GASK1A: variants seen among roughly 807,000 people sequenced by gnomAD.
GASK1A encodes the protein Golgi-associated kinase 1A.
A neutral mutation model predicts 41.2 loss-of-function variants in GASK1A; 40 were observed. That is an observed-to-expected ratio of 0.97 (90% CI 0.75 to 1.27). GASK1A has a LOEUF of 1.27. GASK1A is among the 50% of genes most tolerant of loss of function. The probability of loss-of-function intolerance (pLI) is 0.00; values close to 1 mark genes in which losing one functional copy is unlikely to be tolerated. For synonymous variants in GASK1A, 316 were observed against 307.1 expected (o/e 1.03, Z -0.30); for missense variants, 678 against 745.1 (o/e 0.91, Z 1.05).
chr3:42,981,854 C>T (rs1212112014), intron 1 of GASK1A, among the ~76,000 whole-genome samples: 1 of 152,142 alleles, frequency 6.6e-6, no homozygotes, highest in Non-Finnish European at 1.5e-5. Context: ...CATGCTATAT[C>T]TCTTTGAGGG....
chr3:43,034,206 G>A (rs767603613), intron 2 of GASK1A, among the ~76,000 whole-genome samples: 4 of 152,322 alleles, frequency 2.6e-5, no homozygotes, highest in African/African-American at 9.6e-5. Flanking sequence ...TGGAGATAGC[G>A]ATGGAGAGAA....
intron 1 of GASK1A, among the ~76,000 whole-genome samples, chr3:43,009,481 G>T (rs2125679170): frequency 6.6e-6 from 1 of 152,350 alleles, no homozygotes; most frequent in South Asian, 2.1e-4. Flanking sequence ...CCCAGGGCCA[G>T]AACTGGCTCC....
chr3:43,004,987 C>T (rs1395721264), intron 1 of GASK1A, among the ~76,000 whole-genome samples: 1 of 152,170 alleles, frequency 6.6e-6, no homozygotes, highest in African/African-American at 2.4e-5. Flanking sequence ...CCTTTAGAGG[C>T]CACCTGCATT....
intron 2 of GASK1A, among the ~76,000 whole-genome samples, chr3:43,040,902 G>GTGTGATGTTCCCCTTCC (rs2089633814): frequency 7.4e-6 from 1 of 134,884 alleles, no homozygotes; most frequent in Admixed American, 8.5e-5. Context: ...AGTCCGCAGA[G>GTGTGATGTTCCCCTTCC]TGTGATGTTC....
At chr3:43,009,511 G>A (rs547521330) in intron 1 of GASK1A, among the ~76,000 whole-genome samples, 1 of 152,314 alleles carries the variant, frequency 6.6e-6, no homozygotes, top group East Asian at 1.9e-4. Context: ...GGAAGGGCTT[G>A]GTCTCTGCAG....
At chr3:43,044,393 T>G (rs779623728) in intron 2 of GASK1A, among the ~76,000 whole-genome samples, 1 of 152,084 alleles carries the variant, frequency 6.6e-6, no homozygotes, top group South Asian at 2.1e-4. Flanking sequence ...GAGTGGGGGG[T>G]GAGGACAGTG....
At chr3:42,986,871 C>T (rs930047264) in intron 1 of GASK1A, among the ~76,000 whole-genome samples, 1 of 152,278 alleles carries the variant, frequency 6.6e-6, no homozygotes, top group African/African-American at 2.4e-5. Flanking sequence ...AGGAGAACCT[C>T]CAGCCCTTGG....
At chr3:42,989,208 TA>T (rs1391463279) in intron 1 of GASK1A, among the ~76,000 whole-genome samples, 3 of 151,654 alleles carry the variant, frequency 2.0e-5, no homozygotes, top group Non-Finnish European at 2.9e-5. Flanking sequence ...GAAACGTCGA[TA>T]GGGGGAGAGG....
intron 2 of GASK1A, among the ~76,000 whole-genome samples, chr3:43,038,258 A>G (rs186605780): frequency 1.6e-3 from 250 of 152,308 alleles, no homozygotes; most frequent in African/African-American, 5.8e-3. Flanking sequence ...CATGGTTCGT[A>G]ATTTTTGAAG....
At position 43,053,586 on chromosome 3, in the gene GASK1A, A is replaced by G; in HGVS notation, c.1356A>G (p.Glu452=). 1 of 1,551,720 alleles carries G rather than the reference A, an allele frequency of 6.4e-7. No homozygotes were observed. Among genetic ancestry groups the G allele is most frequent in the Non-Finnish European group, 8.7e-7 (1 of 1,146,996 alleles). ...CTGAGCCCTCAGACCCCTGTGTGGAAGAGAGGCTCCGAGAGAAATGCCAGA... is the reference window on the plus strand; with the variant it reads ...CTGAGCCCTCAGACCCCTGTGTGGAGGAGAGGCTCCGAGAGAAATGCCAGA... ...FEPEPSDPCV[E]ERLREKCQNP... The change falls in exon 3 of 5, where the codon GAA becomes GAG. Residue 452 remains glutamate, a synonymous_variant. Coordinates refer to ENST00000430121, the MANE Select transcript of GASK1A (RefSeq NM_001129908.3).
chr3:43,037,510 G>C, intron 2 of GASK1A: 1 of 467,156 alleles, frequency 2.1e-6, no homozygotes, highest in Non-Finnish European at 3.9e-6. Flanking sequence ...GGAATATCTG[G>C]AGAGAAAGAA....
chr3:43,030,017 A>G (rs2089566663), intron 1 of GASK1A, among the ~76,000 whole-genome samples: 1 of 152,060 alleles, frequency 6.6e-6, no homozygotes, highest in Non-Finnish European at 1.5e-5. Context: ...TTTTTTTGAG[A>G]TGGAGTTTTG....
At chr3:43,041,943 G>C (rs1320621160) in intron 2 of GASK1A, among the ~76,000 whole-genome samples, 1 of 152,194 alleles carries the variant, frequency 6.6e-6, no homozygotes, top group Non-Finnish European at 1.5e-5. Flanking sequence ...GCCTGTGACT[G>C]TTCCCAGTGT....
At chr3:43,048,150 T>G (rs2089672855) in intron 2 of GASK1A, among the ~76,000 whole-genome samples, 1 of 152,218 alleles carries the variant, frequency 6.6e-6, no homozygotes, top group African/African-American at 2.4e-5. Context: ...CCTGGCTGAA[T>G]GGACACATAT....
chr3:43,010,190 T>G (rs1266847211), intron 1 of GASK1A, among the ~76,000 whole-genome samples: 1 of 152,172 alleles, frequency 6.6e-6, no homozygotes, highest in African/African-American at 2.4e-5. Context: ...CAGTCACATG[T>G]TGGGTTCCAG....
At chr3:42,985,479 T>C (rs62249012) in intron 1 of GASK1A, among the ~76,000 whole-genome samples, 8,538 of 151,640 alleles carry the variant, frequency 0.056, 380 homozygotes, top group Non-Finnish European at 0.081. Context: ...GGGCAGAAAA[T>C]AGAAAAATCA....
At chr3:43,005,637 G>A (rs1363581968) in intron 1 of GASK1A, among the ~76,000 whole-genome samples, 2 of 152,142 alleles carry the variant, frequency 1.3e-5, no homozygotes, top group African/African-American at 4.8e-5. Context: ...GTGTGACAAA[G>A]AGACGCTGAA....
At chr3:42,990,923 T>C (rs2089337501) in intron 1 of GASK1A, among the ~76,000 whole-genome samples, 2 of 152,190 alleles carry the variant, frequency 1.3e-5, no homozygotes, top group African/African-American at 4.8e-5. Context: ...GCTCGAGGCT[T>C]GTGCCTGGGG....
chr3:43,044,631 T>C (rs2089653190), intron 2 of GASK1A, among the ~76,000 whole-genome samples: 1 of 152,158 alleles, frequency 6.6e-6, no homozygotes, highest in Non-Finnish European at 1.5e-5. Context: ...CCCAAATTCA[T>C]CTGGACTTCA....
Sources: allele counts gnomAD v4.1 joint callset (sites outside exome capture counted in the v4.1 genomes callset), GRCh38; gene constraint gnomAD v4.1.1; transcripts MANE v1.5; gene names NCBI Gene and HGNC (gene_info 2026-07-23, HGNC 2026-07-21).